The following HEXIM2 variants were observed in gnomAD, a reference collection of about 807,000 sequenced individuals.
HEXIM2 encodes protein HEXIM2.
For missense variants in HEXIM2, 413 were observed against 390.8 expected (o/e 1.06, Z -0.48); for synonymous variants, 159 against 162.7 (o/e 0.98, Z 0.17).
intron 3 of HEXIM2, among the ~76,000 whole-genome samples, chr17:45,165,221 T>C (rs1233754163): frequency 1.3e-5 from 2 of 152,164 alleles, no homozygotes; most frequent in African/African-American, 4.8e-5. Context: ...ATTGCTTTTA[T>C]TTCGTGATCT....
upstream of HEXIM2, chr17:45,160,874 C>T: frequency 2.3e-6 from 3 of 1,286,446 alleles, no homozygotes; most frequent in Non-Finnish European, 3.0e-6. Context: ...TTAGTGGTTG[C>T]TACAGTAGTT....
chr17:45,166,179 C>T (rs187123661), intron 3 of HEXIM2, among the ~76,000 whole-genome samples: 2 of 152,292 alleles, frequency 1.3e-5, no homozygotes, highest in East Asian at 1.9e-4. Flanking sequence ...GGCTGGAGCG[C>T]AGTGGCGCAA....
In HEXIM2 at chr17:45,169,664, C is replaced by T. The variant is rs1336747178; in HGVS notation, c.716C>T (p.Ala239Val). Residue 239 changes from alanine to valine, a missense_variant, in exon 4 of 4, where the codon GCG becomes GTG. Ala to Val is a moderately conservative substitution (Grantham distance 64). Transcript: ENST00000589230. ...EETRRLQQLQ[A>V]CTGQQSCRQV... ...ACTAGGAGGCTGCAGCAGCTGCAGG[C>T]GTGCACCGGCCAGCAGTCCTGCCGC... 1.3e-6 allele frequency: 2 copies of T among 1,534,192 alleles called. No homozygotes were observed. Among genetic ancestry groups the T allele is most frequent in the African/African-American group, 1.4e-5 (1 of 72,602 alleles).
Position 45,168,813 on chromosome 17 carries a change from C to CAT in HEXIM2, c.67-201_67-200dup, listed in dbSNP as rs1386556697. On this transcript the variant is annotated intron_variant, in intron 3 of 3. Coordinates refer to ENST00000589230, the MANE Select transcript of HEXIM2 (RefSeq NM_001303441.2). ...ACACAGGCAAAATTCCTGCTCTCAC[C>CAT]ATGAGTTTACTTGGGGAAGGTTGGG... 3 of 614,838 alleles carry CAT rather than the reference C, an allele frequency of 4.9e-6. No homozygotes were observed. In the Admixed American group the frequency reaches 8.3e-5, roughly 17 times the overall value. The allele number at this position is 614,838 out of a possible 1,614,324, so 38.1% of individuals were successfully genotyped here.
rs58258565 is a variant in HEXIM2, at chr17:45,167,024, C to CAAAAAAA, written c.67-1978_67-1972dup. On this transcript the variant is annotated intron_variant, in intron 3 of 3. Transcript: ENST00000589230. ...TGGGTGACAGAGCAAGACTCTGTCTCAAAAAAAAAAAAAAAAAAAGCCCAG... is the reference window on the plus strand; with the variant it reads ...TGGGTGACAGAGCAAGACTCTGTCTCAAAAAAAAAAAAAAAAAAAAAAAAAAGCCCAG... 3.3e-3 allele frequency among the ~76,000 whole-genome samples: 222 copies of CAAAAAAA among 67,856 alleles called. 13 individuals are homozygous for CAAAAAAA. Among genetic ancestry groups the CAAAAAAA allele is most frequent in the African/African-American group, 0.013 (166 of 13,148 alleles). 44.5% of individuals were successfully genotyped at this position (67,856 alleles called of 152,430 possible). A position where few individuals can be genotyped will look rare whatever the true frequency, so the allele number is the denominator to read the frequency against.
chr17:45,168,163 C>T (rs1288654814), intron 3 of HEXIM2, among the ~76,000 whole-genome samples: 1 of 149,780 alleles, frequency 6.7e-6, no homozygotes, highest in Non-Finnish European at 1.5e-5. Context: ...GGATTACAGG[C>T]CTGAGCCACC....
At chr17:45,167,064 G>A (rs1053795680) in intron 3 of HEXIM2, among the ~76,000 whole-genome samples, 3 of 140,068 alleles carry the variant, frequency 2.1e-5, no homozygotes, top group Non-Finnish European at 4.6e-5. Flanking sequence ...AGTGGCTCAT[G>A]CCTATAATCC....
chr17:45,162,789 A>G lies in HEXIM2; in HGVS notation c.-5A>G, dbSNP rs2042735936. 10 of 1,613,908 alleles carry G rather than the reference A, an allele frequency of 6.2e-6. No homozygotes were observed. The highest frequency in any genetic ancestry group is 1.7e-5 in the Admixed American group (1 of 59,984). On this transcript the variant is annotated 5_prime_UTR_variant, in exon 3 of 4. Transcript: ENST00000589230. ...AGGCGTCTGCTGAAAGATTTGGAAC[A>G]GAAGATGATGGCCACTCCGAACCAG...
At chr17:45,160,232 C>A (rs1359651529), upstream of HEXIM2, among the ~76,000 whole-genome samples, 3 of 152,126 alleles carry the variant, frequency 2.0e-5, no homozygotes, top group African/African-American at 7.2e-5. Context: ...TCTTTCAAAG[C>A]AGGTCTCCTC....
chr17:45,162,039 C>A lies in HEXIM2; in HGVS notation c.-193+8C>A. ...GCCCTTGACAGCGAATAGGTCAGTT[C>A]CACCTTTGCAAAACCTCTTTCCATG... On this transcript the variant is annotated splice_region_variant and intron_variant, in intron 1 of 3. Transcript: ENST00000589230. 5 of 984,146 alleles carry A rather than the reference C, an allele frequency of 5.1e-6. No homozygotes were observed. Among genetic ancestry groups the A allele is most frequent in the Non-Finnish European group, 6.0e-6 (5 of 828,622 alleles). The allele number at this position is 984,146 out of a possible 1,614,324, so 61.0% of individuals were successfully genotyped here. A position where few individuals can be genotyped will look rare whatever the true frequency, so the allele number is the denominator to read the frequency against.
upstream of HEXIM2, chr17:45,161,521 C>G: frequency 6.2e-6 from 1 of 162,326 alleles, no homozygotes; most frequent in South Asian, 1.5e-4. Context: ...GGCCGCCGAG[C>G]TTCTCGTCGC....
At chr17:45,167,482 C>G (rs2042888953) in intron 3 of HEXIM2, among the ~76,000 whole-genome samples, 1 of 152,172 alleles carries the variant, frequency 6.6e-6, no homozygotes, top group South Asian at 2.1e-4. Flanking sequence ...CCTGTAGATC[C>G]AGTTACTTGA....
intron 3 of HEXIM2, among the ~76,000 whole-genome samples, chr17:45,166,886 A>G (rs990605761): frequency 1.3e-5 from 2 of 150,390 alleles, no homozygotes; most frequent in African/African-American, 2.5e-5. Flanking sequence ...TTAGCTGGGC[A>G]TGGTAGTGGG....
At chr17:45,160,294 G>C (rs1347732115), upstream of HEXIM2, among the ~76,000 whole-genome samples, 1 of 151,920 alleles carries the variant, frequency 6.6e-6, no homozygotes, top group African/African-American at 2.4e-5. Context: ...TTCTTTTTTG[G>C]TAGCATTTAG....
chr17:45,169,839 A>AC lies in HEXIM2; in HGVS notation c.*30_*31insC. ...GCCTCCCAGCCTGGTGGACCCAAGG[A>AC]GAAGGTCCCATTTCGTGCACACTCA... On this transcript the variant is annotated 3_prime_UTR_variant, in exon 4 of 4. Transcript: ENST00000589230. 1 of 1,423,344 alleles carries AC rather than the reference A, an allele frequency of 7.0e-7. No homozygotes were observed. Among genetic ancestry groups the AC allele is most frequent in the East Asian group, 2.5e-5 (1 of 39,398 alleles). The allele number at this position is 1,423,344 out of a possible 1,614,324, so 88.2% of individuals were successfully genotyped here.
chr17:45,160,890 G>C (rs1479440730), upstream of HEXIM2: 17 of 1,289,622 alleles, frequency 1.3e-5, no homozygotes, highest in Non-Finnish European at 1.4e-5. Flanking sequence ...TAGTTTAAGA[G>C]GGTCGTGGTT....
At chr17:45,163,988 C>G (rs1486167309) in intron 3 of HEXIM2, among the ~76,000 whole-genome samples, 1 of 150,950 alleles carries the variant, frequency 6.6e-6, no homozygotes, top group Non-Finnish European at 1.5e-5. Flanking sequence ...AACTCTGTCT[C>G]TACTAAAAAT....
At chr17:45,160,940 C>A, upstream of HEXIM2, 3 of 1,289,752 alleles carry the variant, frequency 2.3e-6, no homozygotes, top group Non-Finnish European at 3.0e-6. Context: ...TTGGTGTAAG[C>A]GAGGTAAGGT....
chr17:45,160,953 G>A (rs1437048970), upstream of HEXIM2: 16 of 1,289,600 alleles, frequency 1.2e-5, no homozygotes, highest in Non-Finnish European at 1.5e-5. Context: ...GGTAAGGTGG[G>A]TGCACTGGGA....
Sources: gnomAD v4.1 joint callset for allele counts (sites outside exome capture counted in the v4.1 genomes callset) on GRCh38, gnomAD v4.1.1 for gene constraint, MANE v1.5 for transcripts, NCBI Gene and HGNC (gene_info 2026-07-23, HGNC 2026-07-21) for gene names.